MGST2: variants seen among roughly 807,000 people sequenced by gnomAD.
The protein encoded by MGST2 is microsomal glutathione S-transferase 2.
Under a neutral mutation model 16.6 loss-of-function variants are expected in MGST2, and 9 were observed. The ratio of observed to expected loss-of-function variants is 0.54; its 90% CI spans 0.33 to 0.95. MGST2 has a LOEUF of 0.95. MGST2 is among the 40% of genes least tolerant of loss of function. The pLI is 0.03. For missense variants in MGST2, 159 were observed against 175.1 expected, an observed-to-expected ratio of 0.91 and a Z score of 0.52; for synonymous variants, 79 against 68.0, an observed-to-expected ratio of 1.16 and a Z score of -0.79.
At chr4:139,691,901 C>T (rs781741751) in intron 2 of MGST2, among the ~76,000 whole-genome samples, 7 of 152,028 alleles carry the variant, frequency 4.6e-5, no homozygotes, top group Non-Finnish European at 8.8e-5. Flanking sequence ...GGGGTTTCAC[C>T]GTGTTAGCCA....
intron 1 of MGST2, among the ~76,000 whole-genome samples, chr4:139,677,985 G>A (rs1041763837): frequency 3.9e-5 from 6 of 152,248 alleles, no homozygotes; most frequent in Admixed American, 3.9e-4. Flanking sequence ...TTTTCCCTTG[G>A]CTTAGTGATT....
chr4:139,699,075 C>G (rs1477477501), intron 3 of MGST2, among the ~76,000 whole-genome samples: 1 of 152,202 alleles, frequency 6.6e-6, no homozygotes, highest in Non-Finnish European at 1.5e-5. Context: ...GGCAAAAACC[C>G]TGAGAGATCA....
At chr4:139,700,127 C>CT (rs56662682) in intron 3 of MGST2, among the ~76,000 whole-genome samples, 13,517 of 83,078 alleles carry the variant, frequency 0.16, 2,102 homozygotes, top group East Asian at 0.19. Context: ...TTTGGTTTTG[C>CT]TTTTTTTTTT....
At chr4:139,716,859 T>C (rs1241713682) in intron 5 of MGST2, 2 of 152,584 alleles carry the variant, frequency 1.3e-5, no homozygotes, top group African/African-American at 4.8e-5. Context: ...TAAAAGGAAA[T>C]AAGCAATGCT....
intron 2 of MGST2, among the ~76,000 whole-genome samples, chr4:139,690,439 C>A (rs1193165763): frequency 1.3e-5 from 2 of 152,236 alleles, no homozygotes; most frequent in Admixed American, 1.3e-4. Context: ...GCTTCCTGAT[C>A]CCCCATCCTT....
the MGST2 span, among the ~76,000 whole-genome samples, chr4:139,752,528 G>A: frequency 2.0e-5 from 3 of 152,172 alleles, no homozygotes; most frequent in Admixed American, 6.5e-5. Context: ...GTCAAAAAGA[G>A]GATGGCTGGG....
chr4:139,716,092 G>C (rs1248845408), intron 5 of MGST2, among the ~76,000 whole-genome samples: 1 of 152,168 alleles, frequency 6.6e-6, no homozygotes, highest in Non-Finnish European at 1.5e-5. Context: ...CCAAGTCCCA[G>C]CCTTTGCCTG....
intron 1 of MGST2, among the ~76,000 whole-genome samples, chr4:139,677,458 A>G (rs544276580): frequency 1.4e-3 from 208 of 152,274 alleles, no homozygotes; most frequent in African/African-American, 4.5e-3. Context: ...AGTCCTTGAT[A>G]AGCCTTTCAC....
intron 5 of MGST2, among the ~76,000 whole-genome samples, chr4:139,713,699 C>T (rs541575338): frequency 6.6e-5 from 10 of 152,200 alleles, no homozygotes; most frequent in South Asian, 4.1e-4. Flanking sequence ...CAATGCCAAG[C>T]GGCCAATATT....
chr4:139,709,232 G>A (rs1205875231), downstream of MGST2, among the ~76,000 whole-genome samples: 1 of 151,600 alleles, frequency 6.6e-6, no homozygotes, highest in African/African-American at 2.4e-5. Flanking sequence ...AGAGGCGCCC[G>A]CCACCACGCC....
At chr4:139,669,778 A>G (rs570806791) in intron 1 of MGST2, among the ~76,000 whole-genome samples, 1 of 152,358 alleles carries the variant, frequency 6.6e-6, no homozygotes, top group South Asian at 2.1e-4. Context: ...GCACAGCATG[A>G]GAGAATGGTT....
At chr4:139,749,812 A>T in the MGST2 span, among the ~76,000 whole-genome samples, 1 of 152,174 alleles carries the variant, frequency 6.6e-6, no homozygotes, top group Non-Finnish European at 1.5e-5. Context: ...ATTATTTTAC[A>T]GTTATTCTAC....
intron 5 of MGST2, among the ~76,000 whole-genome samples, chr4:139,739,812 C>T (rs572960798): frequency 6.7e-6 from 1 of 149,086 alleles, no homozygotes; most frequent in Admixed American, 6.7e-5. Flanking sequence ...TATTTTTATA[C>T]TTTTTCAAAT....
At chr4:139,719,203 C>T in intron 5 of MGST2, 1 of 1,136,984 alleles carries the variant, frequency 8.8e-7, no homozygotes, top group Non-Finnish European at 1.2e-6. Flanking sequence ...CAGCCAGCTG[C>T]AGTTTTGCTC....
chr4:139,668,902 G>T (rs1036327290), intron 1 of MGST2, among the ~76,000 whole-genome samples: 1 of 152,102 alleles, frequency 6.6e-6, no homozygotes, highest in African/African-American at 2.4e-5. Flanking sequence ...TCTTTGCTTG[G>T]CAGGGTATGA....
intron 5 of MGST2, chr4:139,730,601 C>G (rs1174116652): frequency 6.2e-7 from 1 of 1,611,564 alleles, no homozygotes; most frequent in Non-Finnish European, 8.5e-7. Flanking sequence ...ACCATGCCAC[C>G]TGAGCCTGGG....
intron 1 of MGST2, 148 bp from the exon 2 acceptor site, chr4:139,678,395 C>T: frequency 4.2e-6 from 3 of 711,874 alleles, no homozygotes; most frequent in East Asian, 2.7e-5. Flanking sequence ...ATATCCTCTC[C>T]TGTCTTTTTT....
chr4:139,676,769 T>C (rs768351280), intron 1 of MGST2, among the ~76,000 whole-genome samples: 2 of 152,220 alleles, frequency 1.3e-5, no homozygotes, highest in Non-Finnish European at 2.9e-5. Flanking sequence ...CTGCTGTGAA[T>C]ATTTGTGTAC....
At chr4:139,745,086 C>A (rs1278498569), downstream of MGST2, among the ~76,000 whole-genome samples, 1 of 152,172 alleles carries the variant, frequency 6.6e-6, no homozygotes, top group Non-Finnish European at 1.5e-5. Flanking sequence ...TTAGCAGGGA[C>A]TTGACTGAGA....
Sources: gnomAD v4.1 joint callset for allele counts (sites outside exome capture counted in the v4.1 genomes callset) on GRCh38, gnomAD v4.1.1 for gene constraint, MANE v1.5 for transcripts, NCBI Gene and HGNC (gene_info 2026-07-23, HGNC 2026-07-21) for gene names.